Variants in BCKDHB observed in about 807,000 individuals in gnomAD.
BCKDHB encodes the protein 2-oxoisovalerate dehydrogenase subunit beta, mitochondrial.
Under a neutral mutation model 48.5 loss-of-function variants are expected in BCKDHB, and 41 were observed. The ratio of observed to expected loss-of-function variants is 0.85; its 90% CI spans 0.66 to 1.10. The LOEUF (loss-of-function observed/expected upper bound fraction) is 1.10, where lower values mean the gene tolerates loss of function less well. BCKDHB is among the 50% of genes least tolerant of loss of function. BCKDHB has a pLI of 0.00. For synonymous variants in BCKDHB, 201 were observed against 174.8 expected (o/e 1.15, Z -1.18); for missense variants, 496 against 494.2 (o/e 1.00, Z -0.03).
chr6:80,408,316 T>C, the BCKDHB span, among the ~76,000 whole-genome samples: 2 of 152,158 alleles, frequency 1.3e-5, no homozygotes, highest in African/African-American at 4.8e-5. Flanking sequence ...TAAAATTCTC[T>C]TTTTTTGTTG....
rs543281141 is a variant in BCKDHB at position 80,207,624 on chromosome 6, G to T, written c.951+4412G>T. On this transcript the variant is annotated intron_variant, in intron 8 of 9. Transcript: ENST00000320393. ...AAAACAACTACCACCACCATGTGTAGCTTAAAAAAGGCATACTTTAAATAT... is the reference window on the plus strand; with the variant it reads ...AAAACAACTACCACCACCATGTGTATCTTAAAAAAGGCATACTTTAAATAT... Among the ~76,000 whole-genome samples the T allele has an allele frequency of 2.0e-5, 3 of 151,736 alleles. No individual in the cohort carries two copies. The South Asian group carries it at 6.2e-4, about 31-fold the overall frequency.
Position 80,220,309 on chromosome 6 carries a change from T to TTTG in BCKDHB, c.951+17099_951+17100insGTT, listed in dbSNP as rs1405710318. ...ATTTTTGTATCATGCTATTTGTTTT[T>TTTG]TTTTTTTTTTTGTCATGTATTTTCC... is the stretch of plus-strand genomic sequence containing the variant. On this transcript the variant is annotated intron_variant, in intron 8 of 9. Coordinates refer to ENST00000320393, the MANE Select transcript of BCKDHB (RefSeq NM_183050.4). 2.0e-5 allele frequency among the ~76,000 whole-genome samples: 3 copies of TTTG among 148,238 alleles called. 1 individual carries two copies. Among genetic ancestry groups the TTTG allele is most frequent in the African/African-American group, 7.3e-5 (3 of 41,118 alleles).
At chr6:80,354,693 G>A in the BCKDHB span, among the ~76,000 whole-genome samples, 31,233 of 152,102 alleles carry the variant, frequency 0.21, 3,719 homozygotes, top group South Asian at 0.37. Flanking sequence ...TTTGTATACA[G>A]TGATAGGAGT....
At chr6:80,348,215 T>TAAA (rs67854118), downstream of BCKDHB, among the ~76,000 whole-genome samples, 22 of 151,542 alleles carry the variant, frequency 1.5e-4, no homozygotes, top group Non-Finnish European at 8.8e-5. Flanking sequence ...TGTGTATATT[T>TAAA]AAAAAAAAAT....
chr6:80,358,190 T>G, the BCKDHB span, among the ~76,000 whole-genome samples: 1 of 152,170 alleles, frequency 6.6e-6, no homozygotes, highest in African/African-American at 2.4e-5. Flanking sequence ...TATTTTTATG[T>G]TGGCCAACTA....
At chr6:80,147,513 ACAAT>A (rs1190329037) in intron 3 of BCKDHB, among the ~76,000 whole-genome samples, 3 of 152,202 alleles carry the variant, frequency 2.0e-5, no homozygotes, top group African/African-American at 7.2e-5. Flanking sequence ...CATTTTGAAG[ACAAT>A]CAGAGAAGGT....
chr6:80,332,620 G>A (rs558362218), intron 9 of BCKDHB, among the ~76,000 whole-genome samples: 1 of 149,888 alleles, frequency 6.7e-6, no homozygotes, highest in South Asian at 2.1e-4. Flanking sequence ...ACCTAAATTT[G>A]TCTAGCCATA....
At chr6:80,140,983 C>T (rs1421382121) in intron 3 of BCKDHB, among the ~76,000 whole-genome samples, 1 of 152,116 alleles carries the variant, frequency 6.6e-6, no homozygotes, top group East Asian at 1.9e-4. Flanking sequence ...AATTTCAGCT[C>T]CTGTTATTGG....
chr6:80,364,818 T>C, the BCKDHB span, among the ~76,000 whole-genome samples: 1 of 152,198 alleles, frequency 6.6e-6, no homozygotes, highest in Non-Finnish European at 1.5e-5. Flanking sequence ...CAAAGTTGGG[T>C]ACTGGGGGAA....
intron 9 of BCKDHB, among the ~76,000 whole-genome samples, chr6:80,329,517 C>T (rs972168729): frequency 1.3e-5 from 2 of 152,148 alleles, no homozygotes; most frequent in Non-Finnish European, 2.9e-5. Context: ...CTGTTACTGT[C>T]TTCCTGGCAG....
rs1210649507 is a variant in BCKDHB, at chr6:80,169,003, A to AT, written c.612dup (p.Ala205CysfsTer28). ...TCTATCATTCTCAGAGTCCTGAAGC[A>AT]TTTTTTGCCCATTGCCCAGGAATCA... On this transcript the variant is annotated frameshift_variant, in exon 5 of 10. Coordinates refer to ENST00000320393, the MANE Select transcript of BCKDHB (RefSeq NM_183050.4). LOFTEE classifies it high-confidence loss of function. The AT allele has an allele frequency of 1.2e-6, 2 of 1,613,956 alleles. No individual in the cohort carries two copies. Among genetic ancestry groups the AT allele is most frequent in the Non-Finnish European group, 8.5e-7 (1 of 1,179,990 alleles).
the BCKDHB span, among the ~76,000 whole-genome samples, chr6:80,381,195 A>AT: frequency 1.1e-4 from 16 of 150,628 alleles, no homozygotes; most frequent in East Asian, 1.9e-4. Flanking sequence ...TTATTCTCAC[A>AT]TTTTTTTTTC....
intron 3 of BCKDHB, among the ~76,000 whole-genome samples, chr6:80,159,537 G>A (rs1302995568): frequency 6.6e-6 from 1 of 152,086 alleles, no homozygotes; most frequent in African/African-American, 2.4e-5. Context: ...AGAATGTTCT[G>A]TTTTCCATTT....
the BCKDHB span, among the ~76,000 whole-genome samples, chr6:80,430,730 C>T: frequency 2.0e-5 from 3 of 152,118 alleles, no homozygotes; most frequent in Non-Finnish European, 4.4e-5. Flanking sequence ...ATGAGTCTCG[C>T]TAGCAGTCTA....
intron 9 of BCKDHB, among the ~76,000 whole-genome samples, chr6:80,281,022 G>A (rs1243364417): frequency 1.7e-5 from 2 of 117,480 alleles, no homozygotes; most frequent in South Asian, 2.8e-4. Flanking sequence ...AAGAACAGGT[G>A]TATGCGTGTG....
chr6:80,369,820 A>G, the BCKDHB span, among the ~76,000 whole-genome samples: 1 of 152,320 alleles, frequency 6.6e-6, no homozygotes, highest in East Asian at 1.9e-4. Context: ...CAACCTTTCC[A>G]TTCAAACCTG....
chr6:80,144,311 C>A (rs776195700), intron 3 of BCKDHB, among the ~76,000 whole-genome samples: 2 of 152,150 alleles, frequency 1.3e-5, no homozygotes, highest in Non-Finnish European at 2.9e-5. Context: ...ATGAAGAAGG[C>A]ACTTTTTCTT....
chr6:80,338,135 A>T (rs767961652), intron 9 of BCKDHB, among the ~76,000 whole-genome samples: 4 of 152,218 alleles, frequency 2.6e-5, no homozygotes, highest in African/African-American at 9.6e-5. Flanking sequence ...AATTATTCCA[A>T]AATTGTTCTT....
chr6:80,395,957 G>A, the BCKDHB span, among the ~76,000 whole-genome samples: 1 of 152,176 alleles, frequency 6.6e-6, no homozygotes, highest in Non-Finnish European at 1.5e-5. Flanking sequence ...ACACGTGGGT[G>A]CAAAGAAGTC....
Sources: gnomAD v4.1 joint callset for allele counts (sites outside exome capture counted in the v4.1 genomes callset) on GRCh38, gnomAD v4.1.1 for gene constraint, MANE v1.5 for transcripts, NCBI Gene and HGNC (gene_info 2026-07-23, HGNC 2026-07-21) for gene names.